The following PCDHA7 variants were observed in gnomAD, a reference collection of about 807,000 sequenced individuals.
PCDHA7 encodes protocadherin alpha 7, also known as protocadherin alpha-7.
Under a neutral mutation model 57.2 loss-of-function variants are expected in PCDHA7, and 37 were observed. The observed-to-expected ratio is 0.65, with a 90% CI of 0.50 to 0.85. The LOEUF (loss-of-function observed/expected upper bound fraction) is 0.85. Ranked by LOEUF, PCDHA7 falls within the 40% of genes least tolerant of loss-of-function variation. The pLI is 0.00. For missense variants in PCDHA7, 1,188 were observed against 1,241.8 expected (o/e 0.96, Z 0.65); for synonymous variants, 553 against 558.8 (o/e 0.99, Z 0.15).
At chr5:140,855,966 TAAGAA>T in intron 1 of PCDHA7, 1 of 1,422,780 alleles carries the variant, frequency 7.0e-7, no homozygotes, top group Non-Finnish European at 9.5e-7. Context: ...AAAATAGATA[TAAGAA>T]ATAGGACAGA....
chr5:140,877,006 G>T, intron 1 of PCDHA7: 2 of 1,612,484 alleles, frequency 1.2e-6, no homozygotes, highest in Non-Finnish European at 1.7e-6. Context: ...GTCGGTGCAC[G>T]CGGAGAGCGG....
At chr5:140,863,176 A>G (rs199525571) in intron 1 of PCDHA7, 25 of 723,868 alleles carry the variant, frequency 3.5e-5, no homozygotes, top group South Asian at 2.0e-4. Flanking sequence ...GCTGACTGCC[A>G]CCGTCACCGT....
rs1777904033 is a variant in PCDHA7, at chr5:140,842,379, C to G, written c.2355+5641C>G. 1.9e-6 allele frequency: 3 copies of G among 1,609,878 alleles called. No individual in the cohort carries two copies. In the Admixed American group the frequency reaches 5.0e-5, roughly 27 times the overall value. On this transcript the variant is annotated intron_variant, in intron 1 of 3. Coordinates refer to ENST00000525929, the MANE Select transcript of PCDHA7 (RefSeq NM_018910.3). Reference sequence around the variant, plus strand: ...GATAACGTCCCTGAGATAGCACTGACTTCCTTATCCTTGCCTGTACGTGAA... The same window carrying G: ...GATAACGTCCCTGAGATAGCACTGAGTTCCTTATCCTTGCCTGTACGTGAA...
intron 3 of PCDHA7, among the ~76,000 whole-genome samples, chr5:141,007,371 TG>T (rs2098319446): frequency 7.8e-6 from 1 of 128,740 alleles, no homozygotes. Context: ...GGCAACATGA[TG>T]GAACACCATC....
intron 1 of PCDHA7, among the ~76,000 whole-genome samples, chr5:140,944,308 C>T (rs1385219466): frequency 6.6e-6 from 1 of 152,138 alleles, no homozygotes; most frequent in Non-Finnish European, 1.5e-5. Context: ...CTACCTCAGC[C>T]TCCTGAGTAG....
chr5:140,945,041 C>T (rs2093729370), intron 1 of PCDHA7, among the ~76,000 whole-genome samples: 1 of 151,978 alleles, frequency 6.6e-6, no homozygotes, highest in African/African-American at 2.4e-5. Flanking sequence ...TATCTTTGGT[C>T]TTATATAAAG....
At chr5:140,993,407 C>T (rs2097554546) in intron 3 of PCDHA7, among the ~76,000 whole-genome samples, 1 of 151,550 alleles carries the variant, frequency 6.6e-6, no homozygotes, top group African/African-American at 2.4e-5. Context: ...TAACCACCTT[C>T]ATCAGCATTT....
At chr5:140,884,112 C>T (rs2153400405) in intron 1 of PCDHA7, 1 of 1,613,306 alleles carries the variant, frequency 6.2e-7, no homozygotes. Flanking sequence ...CAGCTGGCGG[C>T]GGTCGGCGCG....
At chr5:140,880,972 A>G (rs574204364) in intron 1 of PCDHA7, among the ~76,000 whole-genome samples, 94 of 152,374 alleles carry the variant, frequency 6.2e-4, no homozygotes, top group Non-Finnish European at 8.5e-4. Flanking sequence ...AGAGAATACC[A>G]AATACTCTGC....
intron 3 of PCDHA7, among the ~76,000 whole-genome samples, chr5:140,997,904 A>G (rs1446627520): frequency 6.6e-6 from 1 of 152,224 alleles, no homozygotes; most frequent in Non-Finnish European, 1.5e-5. Flanking sequence ...TTCAAGAAGT[A>G]GAATTACAGA....
At chr5:140,876,961 C>A in intron 1 of PCDHA7, 1 of 1,613,154 alleles carries the variant, frequency 6.2e-7, no homozygotes, top group Non-Finnish European at 8.5e-7. Flanking sequence ...GCTGGTGGAG[C>A]GGCGGGTGGG....
intron 1 of PCDHA7, among the ~76,000 whole-genome samples, chr5:140,947,178 C>T (rs1356075084): frequency 6.6e-6 from 1 of 151,188 alleles, no homozygotes. Context: ...GGTATATATT[C>T]ATGGTATACT....
intron 1 of PCDHA7, chr5:140,862,620 G>A (rs2047455093): frequency 1.9e-6 from 1 of 528,384 alleles, no homozygotes. Context: ...GTAACAACCC[G>A]CGGGGCTGCC....
rs373780071 is a variant in PCDHA7, at chr5:140,836,166, C to A, written c.1783C>A (p.Arg595Ser). ...CGCGGGCCATGTGGTGGCGAAGGTA[C>A]GTGCAGTTGACGCTGACTCAGGCTA... is the stretch of plus-strand genomic sequence containing the variant. ...VGAGHVVAKV[R>S]AVDADSGYNA... Residue 595 changes from arginine (R) to serine (S), a missense_variant, in exon 1 of 4, where the codon CGT (arginine) becomes AGT (serine). By Grantham distance (110) the Arg-to-Ser change is moderately radical (BLOSUM62 -1). Transcript: ENST00000525929. The A allele has an allele frequency of 1.9e-6, 3 of 1,613,826 alleles. No homozygotes were observed. The highest frequency in any genetic ancestry group is 1.1e-5 in the South Asian group (1 of 91,074).
At chr5:140,881,048 C>T (rs1409752539) in intron 1 of PCDHA7, among the ~76,000 whole-genome samples, 1 of 152,142 alleles carries the variant, frequency 6.6e-6, no homozygotes, top group Non-Finnish European at 1.5e-5. Context: ...TAGAGTTGTG[C>T]ACAGAACAGG....
chr5:140,836,661 T>C lies in PCDHA7; in HGVS notation c.2278T>C (p.Ser760Pro), dbSNP rs2150267176. ...CCAGCAGAGGCGGCAGAGGGTGTGC[T>C]CTGGGGAGGGCCCACCCAAGACAGA... ...FSQQRRQRVC[S>P]GEGPPKTDLM... Residue 760 changes from serine to proline, a missense_variant, in exon 1 of 4, where the codon TCT (serine) becomes CCT (proline). By Grantham distance (74) the Ser-to-Pro change is moderately conservative. Transcript: ENST00000525929. The C allele has an allele frequency of 6.2e-7, 1 of 1,613,416 alleles. No individual in the cohort carries two copies. Among genetic ancestry groups the C allele is most frequent in the Non-Finnish European group, 8.5e-7 (1 of 1,179,584 alleles).
At chr5:140,857,796 CG>C in intron 1 of PCDHA7, 1 of 1,597,494 alleles carries the variant, frequency 6.3e-7, no homozygotes, top group Non-Finnish European at 8.6e-7. Flanking sequence ...GTGCTGCGGT[CG>C]GTGGTTGCGG....
chr5:140,852,980 G>C (rs782092693), intron 1 of PCDHA7: 1 of 347,518 alleles, frequency 2.9e-6, no homozygotes, highest in Non-Finnish European at 4.2e-6. Flanking sequence ...CCGTGTTCAC[G>C]CCATTCTCCT....
At position 140,843,039 on chromosome 5, in the gene PCDHA7, C is replaced by T; in HGVS notation, c.2355+6301C>T. 4.4e-6 allele frequency: 7 copies of T among 1,595,204 alleles called. 1 individual carries two copies. The highest frequency in any genetic ancestry group is 6.0e-6 in the Non-Finnish European group (7 of 1,165,364). ...CTGCTGGAGCCTCGGGTGGGTGGCA[C>T]TGGTGGCGCAGCGAGCAAGCTGGTG... On this transcript the variant is annotated intron_variant, in intron 1 of 3. Coordinates refer to ENST00000525929, the MANE Select transcript of PCDHA7 (RefSeq NM_018910.3).
Sources: allele counts gnomAD v4.1 joint callset (sites outside exome capture counted in the v4.1 genomes callset), GRCh38; gene constraint gnomAD v4.1.1; transcripts MANE v1.5; gene names NCBI Gene and HGNC (gene_info 2026-07-23, HGNC 2026-07-21).